CSMD1: variants seen among roughly 807,000 people sequenced by gnomAD.
CSMD1 encodes CUB and sushi domain-containing protein 1.
Under a neutral mutation model 417.5 loss-of-function variants are expected in CSMD1, and 213 were observed. The ratio of observed to expected loss-of-function variants is 0.51; its 90% CI spans 0.46 to 0.57. CSMD1 has a LOEUF of 0.57. Ranked by LOEUF, CSMD1 falls within the 20% of genes least tolerant of loss-of-function variation. The pLI, the probability that CSMD1 is intolerant of heterozygous loss-of-function variation, is 0.00. For missense variants in CSMD1, 6,923 were observed against 4,529.7 expected (o/e 1.53, Z -15.17); for synonymous variants, 2,862 against 1,736.8 (o/e 1.65, Z -16.11).
intron 1 of CSMD1, among the ~76,000 whole-genome samples, chr8:4,934,164 G>C (rs1807445265): frequency 6.6e-6 from 1 of 152,150 alleles, no homozygotes; most frequent in Non-Finnish European, 1.5e-5. Context: ...GAAGAGGCCA[G>C]GCTAACAAGA....
chr8:4,851,501 G>C (rs547419801), intron 1 of CSMD1, among the ~76,000 whole-genome samples: 6 of 151,214 alleles, frequency 4.0e-5, no homozygotes, highest in Non-Finnish European at 7.4e-5. Flanking sequence ...CATCCATGGC[G>C]CTTCTCACTC....
intron 3 of CSMD1, among the ~76,000 whole-genome samples, chr8:4,070,680 G>C (rs1473886296): frequency 2.0e-5 from 3 of 152,068 alleles, no homozygotes; most frequent in South Asian, 2.1e-4. Context: ...CTCTCTATTC[G>C]TCACTGAAGA....
At chr8:3,416,978 A>C (rs1813195902) in intron 12 of CSMD1, among the ~76,000 whole-genome samples, 1 of 152,224 alleles carries the variant, frequency 6.6e-6, no homozygotes, top group African/African-American at 2.4e-5. Flanking sequence ...TCTAAATCTC[A>C]ATAGATGACT....
At chr8:4,257,396 T>C (rs1477172684) in intron 3 of CSMD1, among the ~76,000 whole-genome samples, 4 of 151,584 alleles carry the variant, frequency 2.6e-5, no homozygotes, top group Non-Finnish European at 5.9e-5. Flanking sequence ...TTTTTCTTCA[T>C]CTCATGTATA....
At chr8:3,685,263 T>C (rs1219190912) in intron 7 of CSMD1, among the ~76,000 whole-genome samples, 1 of 152,234 alleles carries the variant, frequency 6.6e-6, no homozygotes, top group Non-Finnish European at 1.5e-5. Flanking sequence ...GCCTCAGGGC[T>C]AATTGTACCC....
intron 47 of CSMD1, among the ~76,000 whole-genome samples, chr8:3,093,011 G>A (rs17390162): frequency 0.14 from 21,200 of 152,064 alleles, 1,544 homozygotes; most frequent in South Asian, 0.28. Context: ...TCCACTCACC[G>A]TGTAACTCCC....
rs561658265 is a variant in CSMD1 at position 3,196,890 on chromosome 8, A to G, written c.5194+2824T>C. Among the ~76,000 whole-genome samples the G allele has an allele frequency of 2.0e-5, 3 of 152,296 alleles. No homozygotes were observed. In the South Asian group the frequency reaches 6.2e-4, roughly 32 times the overall value. On this transcript the variant is annotated intron_variant, in intron 33 of 69. Coordinates refer to ENST00000635120, the MANE Select transcript of CSMD1 (RefSeq NM_033225.6). ...CTAAAGATAAGAGAAGCTCCTGGCA[A>G]GTGCTGGCTCACCATGGATACATCC... is the stretch of plus-strand genomic sequence containing the variant.
intron 26 of CSMD1, among the ~76,000 whole-genome samples, chr8:3,236,589 C>G (rs991908568): frequency 1.3e-5 from 2 of 152,122 alleles, no homozygotes; most frequent in South Asian, 4.1e-4. Context: ...TAATACAAAC[C>G]CCCACCCAGG....
At chr8:3,165,422 T>A (rs1820145444) in intron 37 of CSMD1, among the ~76,000 whole-genome samples, 1 of 151,814 alleles carries the variant, frequency 6.6e-6, no homozygotes, top group East Asian at 1.9e-4. Flanking sequence ...TTTTTATTTT[T>A]TATTTATTTA....
intron 52 of CSMD1, among the ~76,000 whole-genome samples, chr8:3,007,780 G>T (rs1273786080): frequency 8.2e-6 from 1 of 121,886 alleles, no homozygotes; most frequent in Non-Finnish European, 1.7e-5. Flanking sequence ...GTGGGGTGGG[G>T]GGAGGGGGGA....
intron 2 of CSMD1, among the ~76,000 whole-genome samples, chr8:4,467,011 A>G (rs115602458): frequency 5.3e-4 from 80 of 152,106 alleles, no homozygotes; most frequent in African/African-American, 1.8e-3. Context: ...ACATAGCTCA[A>G]CTGGCCTCAA....
intron 6 of CSMD1, among the ~76,000 whole-genome samples, chr8:3,720,410 C>T (rs1802084964): frequency 6.6e-6 from 1 of 152,200 alleles, no homozygotes; most frequent in South Asian, 2.1e-4. Flanking sequence ...CCAGGCACAA[C>T]AACCTCACTG....
chr8:4,284,973 G>C (rs144129381), intron 3 of CSMD1, among the ~76,000 whole-genome samples: 1 of 152,210 alleles, frequency 6.6e-6, no homozygotes, highest in East Asian at 1.9e-4. Context: ...ACCTCACCTC[G>C]CCTCACCATG....
chr8:3,555,091 G>A (rs1012162073), intron 10 of CSMD1, among the ~76,000 whole-genome samples: 5 of 152,062 alleles, frequency 3.3e-5, no homozygotes, highest in Admixed American at 6.5e-5. Flanking sequence ...AAGTGCAGCC[G>A]TAGGACCCGT....
chr8:3,941,524 G>A (rs1034187883), intron 5 of CSMD1, among the ~76,000 whole-genome samples: 1 of 152,078 alleles, frequency 6.6e-6, no homozygotes, highest in Non-Finnish European at 1.5e-5. Context: ...AATGTGCTTA[G>A]TTTTAAAGTG....
chr8:4,843,011 C>T (rs1477647752), intron 1 of CSMD1, among the ~76,000 whole-genome samples: 2 of 152,110 alleles, frequency 1.3e-5, no homozygotes, highest in African/African-American at 2.4e-5. Context: ...ACATGCTACT[C>T]CAGGACTCTA....
intron 1 of CSMD1, among the ~76,000 whole-genome samples, chr8:4,654,879 G>A (rs1452419035): frequency 6.6e-6 from 1 of 151,978 alleles, no homozygotes; most frequent in Non-Finnish European, 1.5e-5. Context: ...GCAAAGGGTT[G>A]AAAAACTACC....
At chr8:4,145,277 CTT>C (rs1804041639) in intron 3 of CSMD1, among the ~76,000 whole-genome samples, 3 of 151,060 alleles carry the variant, frequency 2.0e-5, no homozygotes, top group Non-Finnish European at 2.9e-5. Context: ...TAGAGTTAGA[CTT>C]CCAATGCTTT....
chr8:4,317,009 T>G (rs1798974187), intron 3 of CSMD1, among the ~76,000 whole-genome samples: 1 of 152,066 alleles, frequency 6.6e-6, no homozygotes, highest in Non-Finnish European at 1.5e-5. Flanking sequence ...GCCAATACAC[T>G]GTTGGGGCAA....
Sources: allele counts gnomAD v4.1 joint callset (sites outside exome capture counted in the v4.1 genomes callset), GRCh38; gene constraint gnomAD v4.1.1; transcripts MANE v1.5; gene names NCBI Gene and HGNC (gene_info 2026-07-23, HGNC 2026-07-21).